The following KIF9 variants were observed in gnomAD, a reference collection of about 807,000 sequenced individuals.
KIF9 encodes the protein kinesin-like protein KIF9.
A neutral mutation model predicts 94.8 loss-of-function variants in KIF9; 68 were observed. The observed-to-expected ratio is 0.72, with a 90% CI of 0.59 to 0.88. KIF9 has a LOEUF of 0.88. Ranked by LOEUF, KIF9 falls within the 40% of genes least tolerant of loss-of-function variation. The probability of loss-of-function intolerance (pLI) is 0.00; values close to 1 mark genes in which losing one functional copy is unlikely to be tolerated. For synonymous variants in KIF9, 343 were observed against 362.1 expected, an observed-to-expected ratio of 0.95 and a Z score of 0.60; for missense variants, 882 against 982.5, an observed-to-expected ratio of 0.90 and a Z score of 1.37.
chr3:47,249,148 ATT>A (rs36111901), intron 10 of KIF9, among the ~76,000 whole-genome samples: 4 of 139,048 alleles, frequency 2.9e-5, no homozygotes, highest in African/African-American at 2.7e-5. Flanking sequence ...GTCACCTCTA[ATT>A]TTTTTTTTTT....
At chr3:47,277,862 G>T (rs1702075054) in intron 1 of KIF9, among the ~76,000 whole-genome samples, 1 of 151,902 alleles carries the variant, frequency 6.6e-6, no homozygotes, top group Non-Finnish European at 1.5e-5. Flanking sequence ...AGAAATAGAT[G>T]ACCCAGACGT....
chr3:47,231,042 A>G (rs1698536135), intron 20 of KIF9, among the ~76,000 whole-genome samples: 1 of 148,730 alleles, frequency 6.7e-6, no homozygotes, highest in Non-Finnish European at 1.5e-5. Flanking sequence ...CCGTCTAAAA[A>G]AAAAAGTTAC....
chr3:47,269,125 A>C (rs1281891264), intron 5 of KIF9, among the ~76,000 whole-genome samples: 1 of 152,158 alleles, frequency 6.6e-6, no homozygotes, highest in Non-Finnish European at 1.5e-5. Context: ...GACGTTGAGG[A>C]AGTAAGTTGC....
At chr3:47,244,738 C>A in intron 15 of KIF9, 53 bp downstream of exon 15, 1 of 1,605,242 alleles carries the variant, frequency 6.2e-7, no homozygotes, top group South Asian at 1.1e-5. Context: ...TCCTCCCATG[C>A]ACCCACCGAG....
intron 10 of KIF9, chr3:47,250,453 A>AAGAGT (rs140700660): frequency 3.9e-6 from 1 of 257,964 alleles, no homozygotes; most frequent in Admixed American, 4.3e-5. Context: ...AAGTGCTTTA[A>AAGAGT]AAAGCACTTG....
chr3:47,269,768 ATT>A (rs36108313), intron 5 of KIF9, among the ~76,000 whole-genome samples: 2 of 86,448 alleles, frequency 2.3e-5, no homozygotes, highest in African/African-American at 1.1e-4. Flanking sequence ...CTCCCAGCTA[ATT>A]TTTTTTTTTT....
chr3:47,239,899 C>G (rs776672283), intron 17 of KIF9: 4 of 1,367,818 alleles, frequency 2.9e-6, no homozygotes, highest in African/African-American at 3.0e-5. Context: ...AGCCCAGTAA[C>G]CTGTGGTGTT....
At chr3:47,229,174 G>A (rs1283134992) in intron 20 of KIF9, among the ~76,000 whole-genome samples, 1 of 152,226 alleles carries the variant, frequency 6.6e-6, no homozygotes, top group Non-Finnish European at 1.5e-5. Context: ...ACAGTGGGCT[G>A]TAAGCCAGCA....
intron 10 of KIF9, among the ~76,000 whole-genome samples, chr3:47,249,518 T>C (rs373459304): frequency 2.0e-5 from 3 of 152,318 alleles, no homozygotes; most frequent in East Asian, 3.9e-4. Flanking sequence ...TATGTCCTCA[T>C]AGATTTCTGT....
intron 14 of KIF9, 200 bp from the exon 15 acceptor site, chr3:47,245,124 G>A: frequency 4.7e-6 from 3 of 642,002 alleles, no homozygotes; most frequent in Non-Finnish European, 5.3e-6. Flanking sequence ...CTTTCCACAT[G>A]CACCCCCTCA....
chr3:47,247,969 C>A, intron 11 of KIF9, 49 bp downstream of exon 11: 1 of 1,430,706 alleles, frequency 7.0e-7, no homozygotes, highest in Non-Finnish European at 9.9e-7. Flanking sequence ...CCTCTAGTCA[C>A]CCCCTACCCC....
chr3:47,278,936 C>T (rs1300654862), intron 1 of KIF9, among the ~76,000 whole-genome samples: 1 of 151,734 alleles, frequency 6.6e-6, no homozygotes, highest in East Asian at 1.9e-4. Flanking sequence ...CGCGCCATTG[C>T]ACTTCAGCCT....
At chr3:47,244,677 T>C (rs1699807408) in intron 15 of KIF9, 114 bp downstream of exon 15, 1 of 1,340,784 alleles carries the variant, frequency 7.5e-7, no homozygotes, top group East Asian at 2.3e-5. Context: ...TGACGTCCAT[T>C]GTGCCAACCC....
intron 20 of KIF9, among the ~76,000 whole-genome samples, chr3:47,229,533 T>C (rs1698397919): frequency 6.6e-6 from 1 of 152,158 alleles, no homozygotes; most frequent in South Asian, 2.1e-4. Flanking sequence ...ATGTTTCCTA[T>C]ATAAAAGTAT....
rs1698319790 is a variant in KIF9, at chr3:47,228,562, G to A, written c.*90C>T. 3 of 1,044,854 alleles carry A rather than the reference G, an allele frequency of 2.9e-6. No homozygotes were observed. The highest frequency in any genetic ancestry group is 1.6e-5 in the African/African-American group (1 of 63,840). The allele number at this position is 1,044,854 out of a possible 1,614,324, so 64.7% of individuals were successfully genotyped here. On this transcript the variant is annotated 3_prime_UTR_variant, in exon 21 of 21. Coordinates refer to ENST00000684063, the MANE Select transcript of KIF9 (RefSeq NM_182902.4). ...CTGGGTCCCAGCATTGGAGTAGAGGGGGCTGCAGCTCTGGGCAGGTGGTTG... is the reference window on the plus strand; with the variant it reads ...CTGGGTCCCAGCATTGGAGTAGAGGAGGCTGCAGCTCTGGGCAGGTGGTTG...
chr3:47,275,625 G>A (rs950495519), intron 2 of KIF9, 135 bp from the exon 3 acceptor site: 35 of 651,926 alleles, frequency 5.4e-5, no homozygotes, highest in Non-Finnish European at 2.1e-5. Context: ...CTCCCACGTA[G>A]GGGCTGATAT....
chr3:47,281,029 T>C, intron 1 of KIF9: 1 of 703,080 alleles, frequency 1.4e-6, no homozygotes, highest in Non-Finnish European at 2.6e-6. Context: ...TACAAGCTGC[T>C]TGAAGGCAAG....
chr3:47,263,777 G>A, intron 9 of KIF9: 1 of 449,136 alleles, frequency 2.2e-6, no homozygotes, highest in Non-Finnish European at 4.5e-6. Context: ...CTGGGTTGAG[G>A]ATGCTGAGGC....
At chr3:47,236,191 G>A in intron 18 of KIF9, 42 bp from the exon 19 acceptor site, 1 of 1,424,648 alleles carries the variant, frequency 7.0e-7, no homozygotes, top group Non-Finnish European at 9.9e-7. Context: ...AAGCCGGTAA[G>A]GGCTGTGTGC....
Sources: allele counts gnomAD v4.1 joint callset (sites outside exome capture counted in the v4.1 genomes callset), GRCh38; gene constraint gnomAD v4.1.1; transcripts MANE v1.5; gene names NCBI Gene and HGNC (gene_info 2026-07-23, HGNC 2026-07-21).